The following TRMT11 variants were observed in gnomAD, a reference collection of about 807,000 sequenced individuals.
TRMT11 encodes the protein tRNA methyltransferase 11.
A neutral mutation model predicts 62.8 loss-of-function variants in TRMT11; 53 were observed. The observed-to-expected ratio is 0.84, with a 90% CI of 0.68 to 1.06. The LOEUF is 1.06. TRMT11 is among the 50% of genes least tolerant of loss of function. The probability of loss-of-function intolerance (pLI) is 0.00; values close to 1 mark genes in which losing one functional copy is unlikely to be tolerated. For missense variants in TRMT11, 556 were observed against 553.4 expected, an observed-to-expected ratio of 1.00 and a Z score of -0.05; for synonymous variants, 188 against 190.3, an observed-to-expected ratio of 0.99 and a Z score of 0.10.
chr6:126,028,465 A>G (rs1316795240), intron 12 of TRMT11, among the ~76,000 whole-genome samples: 1 of 152,178 alleles, frequency 6.6e-6, no homozygotes, highest in Non-Finnish European at 1.5e-5. Flanking sequence ...TGCATTATTT[A>G]TAAATTATGA....
intron 16 of TRMT11, among the ~76,000 whole-genome samples, chr6:126,048,979 T>G (rs1776136870): frequency 6.6e-6 from 1 of 152,204 alleles, no homozygotes; most frequent in Non-Finnish European, 1.5e-5. Flanking sequence ...TCTGGACCAT[T>G]TGGTATGACA....
intron 1 of TRMT11, among the ~76,000 whole-genome samples, chr6:125,990,514 A>T (rs984861049): frequency 6.6e-6 from 1 of 151,604 alleles, no homozygotes; most frequent in African/African-American, 2.4e-5. Flanking sequence ...CTGTTTTTGG[A>T]TTTGTAAATG....
chr6:126,052,518 ATGCT>A (rs1776247685), intron 16 of TRMT11, among the ~76,000 whole-genome samples: 1 of 152,314 alleles, frequency 6.6e-6, no homozygotes, highest in East Asian at 1.9e-4. Flanking sequence ...TTATTAAAAA[ATGCT>A]TGGCCAAAAA....
chr6:126,151,800 T>C (rs1778044083), intron 21 of TRMT11, among the ~76,000 whole-genome samples: 1 of 124,028 alleles, frequency 8.1e-6, no homozygotes, highest in Non-Finnish European at 1.7e-5. Context: ...TTCCTTCCTC[T>C]CTGTCTTTTC....
upstream of TRMT11, among the ~76,000 whole-genome samples, chr6:126,175,305 A>C (rs979301170): frequency 2.4e-4 from 37 of 152,268 alleles, no homozygotes; most frequent in African/African-American, 8.4e-4. Flanking sequence ...AACCTGACAC[A>C]CTTGGCCCTT....
At chr6:126,269,370 T>TA in the TRMT11 span, among the ~76,000 whole-genome samples, 1 of 149,710 alleles carries the variant, frequency 6.7e-6, no homozygotes, top group Admixed American at 6.6e-5. Context: ...CTATACTGTA[T>TA]AAAAAAGACA....
At position 126,088,923 on chromosome 6, in the gene TRMT11, A is replaced by G. The variant is rs184017612; in HGVS notation, c.*1438-23943A>G. Among the ~76,000 whole-genome samples the G allele has an allele frequency of 3.2e-3, 491 of 152,324 alleles. 5 individuals are homozygous for G. The highest frequency in any genetic ancestry group is 0.011 in the African/African-American group (468 of 41,568). On this transcript the variant is annotated intron_variant and NMD_transcript_variant, in intron 17 of 22. Transcript: ENST00000648977. ...ATCACTTTTTATATCTAAAATAGCT[A>G]GTTATTTCAAATTAGCTAGCTAATT...
At chr6:126,092,696 T>C (rs1777291313) in intron 17 of TRMT11, among the ~76,000 whole-genome samples, 1 of 152,234 alleles carries the variant, frequency 6.6e-6, no homozygotes, top group Non-Finnish European at 1.5e-5. Context: ...TTTATTTCTT[T>C]ACTTTTGTTA....
At chr6:126,158,463 T>C (rs1262987617) in intron 21 of TRMT11, among the ~76,000 whole-genome samples, 2 of 152,196 alleles carry the variant, frequency 1.3e-5, no homozygotes. Context: ...GGGAAGACTA[T>C]AGGAGGAAGC....
rs370007928 is a variant in TRMT11 at position 126,076,180 on chromosome 6, A to G, written c.*1437+22990A>G. ...CATAGTGATGTCTTCTATCTTTTCTAGTAGCAGAACCCACATTTCCTTATG... is the reference window on the plus strand; with the variant it reads ...CATAGTGATGTCTTCTATCTTTTCTGGTAGCAGAACCCACATTTCCTTATG... On this transcript the variant is annotated intron_variant and NMD_transcript_variant, in intron 17 of 22. Transcript: ENST00000648977. 5.3e-5 allele frequency among the ~76,000 whole-genome samples: 8 copies of G among 152,306 alleles called. No individual in the cohort carries two copies. In the East Asian group the frequency reaches 1.2e-3, roughly 22 times the overall value.
rs140548103 is a variant in TRMT11, at chr6:126,082,765, C to A, written c.*1437+29575C>A. The stretch of plus-strand genomic sequence containing the variant: ...AATTTTATGTCCTATTTAAATTGTT[C>A]TCTAGCTTTTAATTCAAAGGTCATT... On this transcript the variant is annotated intron_variant and NMD_transcript_variant, in intron 17 of 22. Coordinates refer to the TRMT11 transcript ENST00000648977. Among the ~76,000 whole-genome samples, 59 of 152,016 alleles carry A rather than the reference C, an allele frequency of 3.9e-4. 1 individual carries two copies. The highest frequency in any genetic ancestry group is 3.8e-3 in the Admixed American group (58 of 15,270).
At chr6:126,084,572 A>T (rs1298661868) in intron 17 of TRMT11, among the ~76,000 whole-genome samples, 1 of 152,098 alleles carries the variant, frequency 6.6e-6, no homozygotes, top group Non-Finnish European at 1.5e-5. Flanking sequence ...GGTTTGATGT[A>T]GTCTCATTTA....
intron 21 of TRMT11, among the ~76,000 whole-genome samples, chr6:126,136,172 A>G (rs1777847377): frequency 6.6e-6 from 1 of 151,760 alleles, no homozygotes; most frequent in South Asian, 2.1e-4. Flanking sequence ...AAGGACATCC[A>G]AATTGGAAAG....
Position 126,052,115 on chromosome 6 carries a change from T to C in TRMT11, c.*1370-1008T>C, listed in dbSNP as rs542413093. Reference sequence around the variant, plus strand: ...ACTTAATGAGATAAAATTTCTCCACTGTGCCACTTGAAGCTGCGAGAATAA... The same window carrying C: ...ACTTAATGAGATAAAATTTCTCCACCGTGCCACTTGAAGCTGCGAGAATAA... On this transcript the variant is annotated intron_variant and NMD_transcript_variant, in intron 16 of 22. Coordinates refer to the TRMT11 transcript ENST00000648977. Among the ~76,000 whole-genome samples, 113 of 152,340 alleles carry C rather than the reference T, an allele frequency of 7.4e-4. 1 individual carries two copies. The highest frequency in any genetic ancestry group is 2.6e-3 in the African/African-American group (109 of 41,576).
intron 7 of TRMT11, among the ~76,000 whole-genome samples, chr6:126,003,802 A>G (rs565559821): frequency 6.6e-6 from 1 of 151,992 alleles, no homozygotes; most frequent in East Asian, 1.9e-4. Context: ...TTTTTCTGTG[A>G]TGTATGCTGC....
chr6:126,043,450 T>C (rs1283282102), downstream of TRMT11, among the ~76,000 whole-genome samples: 20 of 151,088 alleles, frequency 1.3e-4, no homozygotes, highest in Admixed American at 1.3e-3. Context: ...GTCCAGTCTA[T>C]CATTGTTGGA....
At chr6:126,153,476 T>C (rs1355239957) in intron 21 of TRMT11, among the ~76,000 whole-genome samples, 2 of 152,240 alleles carry the variant, frequency 1.3e-5, no homozygotes, top group Non-Finnish European at 1.5e-5. Context: ...CAAGTTTCAA[T>C]GTGTACGTTC....
At chr6:126,121,242 G>C (rs116839687) in intron 21 of TRMT11, among the ~76,000 whole-genome samples, 1,592 of 152,130 alleles carry the variant, frequency 0.01, 27 homozygotes, top group African/African-American at 0.036. Context: ...TAATGAATCA[G>C]GTACTAGTTT....
At chr6:126,081,860 G>A (rs981287566) in intron 17 of TRMT11, among the ~76,000 whole-genome samples, 3 of 152,094 alleles carry the variant, frequency 2.0e-5, no homozygotes, top group Admixed American at 2.0e-4. Context: ...TAGGGATGCT[G>A]TTTGGAGCTT....
Sources: allele counts gnomAD v4.1 joint callset (sites outside exome capture counted in the v4.1 genomes callset), GRCh38; gene constraint gnomAD v4.1.1; transcripts MANE v1.5; gene names NCBI Gene and HGNC (gene_info 2026-07-23, HGNC 2026-07-21).